Variants in LOC128462377 observed in about 807,000 individuals in gnomAD.
At chr16:89,386,922 C>T in the LOC128462377 span, among the ~76,000 whole-genome samples, 626 of 152,192 alleles carry the variant, frequency 4.1e-3, 2 homozygotes, top group African/African-American at 0.015. Flanking sequence ...CCCCACGCCT[C>T]GACCACCGAG....
At chr16:89,396,086 G>T in the LOC128462377 span, 1 of 152,194 alleles carries the variant, frequency 6.6e-6, no homozygotes, top group East Asian at 1.9e-4. Flanking sequence ...AAAGACAGCT[G>T]CAAGTTCAGC....
chr16:89,403,044 C>T, the LOC128462377 span, among the ~76,000 whole-genome samples: 1,839 of 152,300 alleles, frequency 0.012, 40 homozygotes, highest in African/African-American at 0.042. Flanking sequence ...GGCACTGCCT[C>T]GCTCAACTGC....
At chr16:89,365,356 G>A in the LOC128462377 span, among the ~76,000 whole-genome samples, 4 of 152,168 alleles carry the variant, frequency 2.6e-5, no homozygotes, top group African/African-American at 9.7e-5. Flanking sequence ...AAGAGCATGA[G>A]GCCAAATCAC....
At chr16:89,329,005 G>C in the LOC128462377 span, 1 of 150,554 alleles carries the variant, frequency 6.6e-6, no homozygotes, top group Non-Finnish European at 1.5e-5. Context: ...CCAGGCGCAC[G>C]GGCGAATCTG....
At chr16:89,396,932 C>G in the LOC128462377 span, among the ~76,000 whole-genome samples, 2 of 138,228 alleles carry the variant, frequency 1.4e-5, no homozygotes, top group African/African-American at 5.2e-5. Flanking sequence ...GGTGATCCAG[C>G]TGCCTCGGTT....
At chr16:89,317,193 C>A in the LOC128462377 span, 1 of 808,302 alleles carries the variant, frequency 1.2e-6, no homozygotes, top group Non-Finnish European at 2.1e-6. Context: ...CTGCTCTGAT[C>A]AGGGCTGGGG....
the LOC128462377 span, among the ~76,000 whole-genome samples, chr16:89,339,641 A>C: frequency 6.6e-6 from 1 of 152,216 alleles, no homozygotes; most frequent in Non-Finnish European, 1.5e-5. Context: ...AGCAATAGCT[A>C]ATGTTTCCTT....
At chr16:89,371,679 C>A in the LOC128462377 span, among the ~76,000 whole-genome samples, 1 of 152,150 alleles carries the variant, frequency 6.6e-6, no homozygotes, top group Non-Finnish European at 1.5e-5. Flanking sequence ...CCCCTGCACC[C>A]CCTCAGGATG....
At chr16:89,358,888 C>G in the LOC128462377 span, among the ~76,000 whole-genome samples, 2 of 152,016 alleles carry the variant, frequency 1.3e-5, no homozygotes, top group African/African-American at 2.4e-5. Context: ...CGCAGTGGTG[C>G]GATCATGGCT....
the LOC128462377 span, among the ~76,000 whole-genome samples, chr16:89,401,830 G>A: frequency 1.3e-5 from 2 of 151,936 alleles, no homozygotes; most frequent in African/African-American, 4.8e-5. Context: ...TCGTGGTGAT[G>A]CGTCTACAAG....
the LOC128462377 span, among the ~76,000 whole-genome samples, chr16:89,397,093 G>C: frequency 6.6e-6 from 1 of 152,000 alleles, no homozygotes; most frequent in Non-Finnish European, 1.5e-5. Context: ...AATTGGAATT[G>C]GTATACAGAC....
At chr16:89,367,457 CAG>C in the LOC128462377 span, among the ~76,000 whole-genome samples, 3 of 152,154 alleles carry the variant, frequency 2.0e-5, no homozygotes, top group Non-Finnish European at 4.4e-5. Context: ...CCGGGAGTCT[CAG>C]GGGAGCGACG....
At chr16:89,328,026 A>C in the LOC128462377 span, among the ~76,000 whole-genome samples, 1 of 152,260 alleles carries the variant, frequency 6.6e-6, no homozygotes, top group Admixed American at 6.5e-5. Context: ...AGTATCAAAC[A>C]ACAAACATTA....
the LOC128462377 span, among the ~76,000 whole-genome samples, chr16:89,359,756 G>A: frequency 6.6e-6 from 1 of 152,172 alleles, no homozygotes; most frequent in Non-Finnish European, 1.5e-5. Context: ...GCCAGCAGAA[G>A]ATGTTTGCAT....
the LOC128462377 span, among the ~76,000 whole-genome samples, chr16:89,347,681 C>T: frequency 6.6e-6 from 1 of 151,336 alleles, no homozygotes; most frequent in African/African-American, 2.4e-5. Flanking sequence ...TTCTCCTTAT[C>T]GGTTTTTCCT....
chr16:89,368,369 G>GTT, the LOC128462377 span, among the ~76,000 whole-genome samples: 1 of 42,190 alleles, frequency 2.4e-5, no homozygotes, highest in Admixed American at 3.2e-4. Context: ...GCTAATTTTT[G>GTT]TGTTTTTTTT....
At chr16:89,417,464 C>T in the LOC128462377 span, among the ~76,000 whole-genome samples, 92 of 152,282 alleles carry the variant, frequency 6.0e-4, 1 homozygote, top group African/African-American at 2.0e-3. Context: ...TGCCCTACAG[C>T]GACACGTGCT....
chr16:89,398,543 C>T, the LOC128462377 span, among the ~76,000 whole-genome samples: 1 of 152,024 alleles, frequency 6.6e-6, no homozygotes, highest in Non-Finnish European at 1.5e-5. Flanking sequence ...ACAGGGAGAC[C>T]CCATCTCTTA....
the LOC128462377 span, among the ~76,000 whole-genome samples, chr16:89,390,766 C>T: frequency 6.6e-6 from 1 of 152,178 alleles, no homozygotes; most frequent in African/African-American, 2.4e-5. Context: ...AAAAACAATG[C>T]TGCTGGTAAT....
Sources: allele counts gnomAD v4.1 joint callset (sites outside exome capture counted in the v4.1 genomes callset), GRCh38; gene constraint gnomAD v4.1.1; transcripts MANE v1.5.